PLXDC1: variants seen among roughly 807,000 people sequenced by gnomAD.
The protein encoded by PLXDC1 is plexin domain-containing protein 1.
A neutral mutation model predicts 61.3 loss-of-function variants in PLXDC1; 39 were observed. The observed-to-expected ratio is 0.64, with a 90% confidence interval of 0.49 to 0.83. PLXDC1 has a LOEUF of 0.83. Ranked by LOEUF, PLXDC1 falls within the 40% of genes least tolerant of loss-of-function variation. The pLI, the probability that PLXDC1 is intolerant of heterozygous loss-of-function variation, is 0.00. For synonymous variants in PLXDC1, 212 were observed against 254.5 expected, an observed-to-expected ratio of 0.83 and a Z score of 1.59; for missense variants, 596 against 666.5, an observed-to-expected ratio of 0.89 and a Z score of 1.17.
intron 2 of PLXDC1, among the ~76,000 whole-genome samples, chr17:39,117,186 G>A (rs1910999136): frequency 6.6e-6 from 1 of 152,184 alleles, no homozygotes; most frequent in Non-Finnish European, 1.5e-5. Flanking sequence ...ACTAGCCCTG[G>A]CTCATGGAAG....
rs532225592 is a variant in PLXDC1 at position 39,102,139 on chromosome 17, G to A, written c.811+3715C>T. On this transcript the variant is annotated intron_variant, in intron 7 of 13. Transcript: ENST00000315392. ...TGCCCAGATGAAGGTGTGGACTGGGGCGAGATGCTTGGTGGGTGCTAACCA... is the reference window on the plus strand; with the variant it reads ...TGCCCAGATGAAGGTGTGGACTGGGACGAGATGCTTGGTGGGTGCTAACCA... Among the ~76,000 whole-genome samples, 35 of 152,266 alleles carry A rather than the reference G, an allele frequency of 2.3e-4. 1 individual carries two copies. In the South Asian group the frequency reaches 6.6e-3, roughly 29 times the overall value.
chr17:39,065,159 A>G lies in PLXDC1; in HGVS notation c.*2681T>C, dbSNP rs531084810. 2 of 152,278 alleles carry G rather than the reference A, an allele frequency of 1.3e-5. No individual in the cohort carries two copies. Among genetic ancestry groups the G allele is most frequent in the East Asian group, 3.9e-4 (2 of 5,176 alleles). The allele number at this position is 152,278 out of a possible 1,614,324, so 9.4% of individuals were successfully genotyped here. A position where few individuals can be genotyped will look rare whatever the true frequency, so the allele number is the denominator to read the frequency against. ...GTTCCAGATGCCTCGGCCTCAGTCAAAGCAAGCCTGGCTGACCCATAGGAT... is the reference window on the plus strand; with the variant it reads ...GTTCCAGATGCCTCGGCCTCAGTCAGAGCAAGCCTGGCTGACCCATAGGAT... On this transcript the variant is annotated 3_prime_UTR_variant, in exon 14 of 14. Transcript: ENST00000315392.
intron 7 of PLXDC1, among the ~76,000 whole-genome samples, chr17:39,090,069 G>C (rs1909890739): frequency 6.6e-6 from 1 of 152,110 alleles, no homozygotes; most frequent in South Asian, 2.1e-4. Flanking sequence ...AAAATGCTGG[G>C]ATTACAGGTG....
chr17:39,101,829 C>T (rs1407317816), intron 7 of PLXDC1, among the ~76,000 whole-genome samples: 1 of 152,150 alleles, frequency 6.6e-6, no homozygotes, highest in Non-Finnish European at 1.5e-5. Context: ...TCTGCCATCT[C>T]CCTCGATATC....
At chr17:39,072,800 A>G (rs1909177842) in intron 11 of PLXDC1, among the ~76,000 whole-genome samples, 1 of 152,106 alleles carries the variant, frequency 6.6e-6, no homozygotes, top group African/African-American at 2.4e-5. Flanking sequence ...GAGGGGCTTT[A>G]TGTGTCACAA....
intron 2 of PLXDC1, among the ~76,000 whole-genome samples, chr17:39,124,058 C>T (rs1567768288): frequency 6.6e-6 from 1 of 152,156 alleles, no homozygotes; most frequent in Non-Finnish European, 1.5e-5. Context: ...ACAAGGCCAA[C>T]AGAAATGCAT....
At chr17:39,129,932 G>A (rs1234535845) in intron 2 of PLXDC1, among the ~76,000 whole-genome samples, 3 of 152,084 alleles carry the variant, frequency 2.0e-5, no homozygotes, top group Non-Finnish European at 2.9e-5. Flanking sequence ...ACATTCATAC[G>A]ATTAAATATT....
At chr17:39,118,111 T>TTCCTTCCTTCCTTCCTTC (rs1555572550) in intron 2 of PLXDC1, among the ~76,000 whole-genome samples, 6 of 121,796 alleles carry the variant, frequency 4.9e-5, no homozygotes, top group African/African-American at 1.5e-4. Context: ...CCTTCCTTCC[T>TTCCTTCCTTCCTTCCTTC]CTCTCTCTCT....
In PLXDC1 at chr17:39,107,589, A is replaced by AT. The variant is rs1435770875; in HGVS notation, c.593-65dup. 4.1e-6 allele frequency: 5 copies of AT among 1,224,800 alleles called. No homozygotes were observed. In the African/African-American group the frequency reaches 5.9e-5, roughly 15 times the overall value. 75.9% of individuals were successfully genotyped at this position (1,224,800 alleles called of 1,614,324 possible). On this transcript the variant is annotated intron_variant, in intron 5 of 13. Transcript: ENST00000315392. Reference sequence around the variant, plus strand: ...ATGCAAGGAGCAGGGCCCTACAGAAATGCCAGTCGGAGGGCAGCGGCCACA... The same window carrying AT: ...ATGCAAGGAGCAGGGCCCTACAGAAATTGCCAGTCGGAGGGCAGCGGCCACA...
At chr17:39,146,873 A>C (rs186903888) in intron 1 of PLXDC1, among the ~76,000 whole-genome samples, 2 of 151,676 alleles carry the variant, frequency 1.3e-5, no homozygotes, top group African/African-American at 4.8e-5. Context: ...AAAAAAAAAA[A>C]AGAAGGATTA....
intron 2 of PLXDC1, among the ~76,000 whole-genome samples, chr17:39,131,353 TC>T (rs369684386): frequency 3.8e-5 from 5 of 132,944 alleles, no homozygotes; most frequent in Non-Finnish European, 7.7e-5. Flanking sequence ...TCTCTCTTTT[TC>T]TTTTCTTTTT....
At chr17:39,102,316 G>A (rs747412164) in intron 7 of PLXDC1, among the ~76,000 whole-genome samples, 13 of 152,174 alleles carry the variant, frequency 8.5e-5, no homozygotes, top group Non-Finnish European at 1.8e-4. Flanking sequence ...TGGGACACAC[G>A]GCAAGCGAAA....
At chr17:39,124,989 G>A (rs1218777873) in intron 2 of PLXDC1, among the ~76,000 whole-genome samples, 2 of 152,076 alleles carry the variant, frequency 1.3e-5, no homozygotes, top group Non-Finnish European at 2.9e-5. Flanking sequence ...AACTTTTTTT[G>A]TAATTTTTAT....
intron 2 of PLXDC1, among the ~76,000 whole-genome samples, chr17:39,133,719 C>G (rs150448120): frequency 0.025 from 3,747 of 152,208 alleles, 157 homozygotes; most frequent in African/African-American, 0.086. Flanking sequence ...CCTGGGCTCA[C>G]GCGATCCTAC....
At chr17:39,091,740 T>A (rs534372770) in intron 7 of PLXDC1, among the ~76,000 whole-genome samples, 1 of 152,136 alleles carries the variant, frequency 6.6e-6, no homozygotes, top group Admixed American at 6.5e-5. Flanking sequence ...GGTGGATCAC[T>A]TGAGGTCAGG....
chr17:39,149,132 C>T lies in PLXDC1; in HGVS notation c.76+2230G>A, dbSNP rs73983244. Among the ~76,000 whole-genome samples, 1,002 of 152,262 alleles carry T rather than the reference C, an allele frequency of 6.6e-3. 13 individuals are homozygous for T. Among genetic ancestry groups the T allele is most frequent in the African/African-American group, 0.023 (949 of 41,530 alleles). ...TGTCTGACTCTGTCTTTGGGCCACT[C>T]ATCTCTCTGCTGCTGCTGTTCTAAT... is the stretch of plus-strand genomic sequence containing the variant. On this transcript the variant is annotated intron_variant, in intron 1 of 13. Transcript: ENST00000315392.
chr17:39,123,686 C>T (rs1911233662), intron 2 of PLXDC1, among the ~76,000 whole-genome samples: 2 of 152,188 alleles, frequency 1.3e-5, no homozygotes, highest in Non-Finnish European at 2.9e-5. Context: ...CCATCTGAAA[C>T]GTCAGCAGTT....
In PLXDC1 at chr17:39,135,095, C is replaced by T. The variant is rs150553781; in HGVS notation, c.255+4559G>A. Among the ~76,000 whole-genome samples the T allele has an allele frequency of 5.0e-3, 763 of 152,342 alleles. 3 individuals are homozygous for T. The highest frequency in any genetic ancestry group is 0.017 in the African/African-American group (708 of 41,576). Reference sequence around the variant, plus strand: ...TTTATCCCAGTAGTTTCATCTGTTCCGAGGCAGATGTCATTCCAGCCTGCC... The same window carrying T: ...TTTATCCCAGTAGTTTCATCTGTTCTGAGGCAGATGTCATTCCAGCCTGCC... On this transcript the variant is annotated intron_variant, in intron 2 of 13. Transcript: ENST00000315392.
rs545824106 is a variant in PLXDC1, at chr17:39,115,114, C to T, written c.256-5723G>A. 3.8e-3 allele frequency among the ~76,000 whole-genome samples: 585 copies of T among 152,352 alleles called. 2 individuals carry two copies. Among genetic ancestry groups the T allele is most frequent in the Non-Finnish European group, 5.5e-3 (373 of 68,038 alleles). ...TGCTGTTCTGCAGAGAAACCAGGCC[C>T]TGTGTCACGTGCCTCAGCTCTGACA... On this transcript the variant is annotated intron_variant, in intron 2 of 13. Transcript: ENST00000315392.
Sources: allele counts gnomAD v4.1 joint callset (sites outside exome capture counted in the v4.1 genomes callset), GRCh38; gene constraint gnomAD v4.1.1; transcripts MANE v1.5; gene names NCBI Gene and HGNC (gene_info 2026-07-23, HGNC 2026-07-21).